Variants in TLN2 observed in about 807,000 individuals in gnomAD.
TLN2 encodes the protein talin-2.
TLN2 carries 118 observed loss-of-function variants against 294.7 expected under a neutral mutation model. The ratio of observed to expected loss-of-function variants is 0.40; its 90% CI spans 0.34 to 0.47. The LOEUF (loss-of-function observed/expected upper bound fraction) is 0.47. TLN2 is among the 20% of genes least tolerant of loss of function. The pLI, the probability that TLN2 is intolerant of heterozygous loss-of-function variation, is 0.84. For missense variants in TLN2, 3,083 were observed against 3,282.2 expected, an observed-to-expected ratio of 0.94 and a Z score of 1.48; for synonymous variants, 1,431 against 1,304.5, an observed-to-expected ratio of 1.10 and a Z score of -2.09.
chr15:62,792,868 G>A (rs2065172478), intron 46 of TLN2, 81 bp downstream of exon 46: 2 of 1,562,772 alleles, frequency 1.3e-6, no homozygotes, highest in East Asian at 2.3e-5. Context: ...ACAAAAGCAG[G>A]AAACTCAGCC....
intron 54 of TLN2, chr15:62,829,165 ATAT>A (rs1402703714): frequency 3.1e-3 from 2 of 654 alleles, no homozygotes; most frequent in Non-Finnish European, 0.038. Context: ...TATATAATAT[ATAT>A]TATATTATAT....
intron 54 of TLN2, among the ~76,000 whole-genome samples, chr15:62,827,085 G>T (rs1226951596): frequency 1.6e-5 from 2 of 121,894 alleles, no homozygotes; most frequent in Admixed American, 1.7e-4. Context: ...TAAGTTTTCA[G>T]GGAGGGAGGC....
intron 33 of TLN2, among the ~76,000 whole-genome samples, chr15:62,749,389 G>C (rs576931420): frequency 2.6e-5 from 4 of 152,332 alleles, no homozygotes; most frequent in Admixed American, 1.3e-4. Context: ...TAAATATGTA[G>C]GTTGTTGATC....
intron 57 of TLN2, 99 bp downstream of exon 57, chr15:62,836,172 C>G: frequency 6.7e-7 from 1 of 1,488,574 alleles, no homozygotes; most frequent in Non-Finnish European, 9.0e-7. Context: ...CCCACCAGGC[C>G]TTCCATCAGC....
At chr15:62,810,058 G>A (rs1318644646) in intron 52 of TLN2, 26 bp downstream of exon 52, 3 of 1,584,156 alleles carry the variant, frequency 1.9e-6, no homozygotes, top group East Asian at 2.2e-5. Flanking sequence ...AGTCAGGGCT[G>A]GGGAGTAGCT....
chr15:62,419,651 G>C (rs1392693290), intron 1 of TLN2, among the ~76,000 whole-genome samples: 1 of 131,316 alleles, frequency 7.6e-6, no homozygotes, highest in Admixed American at 7.9e-5. Context: ...TTTTTTGGGT[G>C]GGGGGAGGGG....
intron 44 of TLN2, among the ~76,000 whole-genome samples, chr15:62,782,673 C>A (rs1202339333): frequency 6.6e-6 from 1 of 152,240 alleles, no homozygotes; most frequent in African/African-American, 2.4e-5. Flanking sequence ...CACGTGGCAA[C>A]ACTCACTCTC....
At chr15:62,462,180 G>A (rs1189802556) in intron 1 of TLN2, among the ~76,000 whole-genome samples, 1 of 152,250 alleles carries the variant, frequency 6.6e-6, no homozygotes, top group Admixed American at 6.5e-5. Flanking sequence ...GTTGCAGTGA[G>A]CCGAGATTGC....
intron 1 of TLN2, among the ~76,000 whole-genome samples, chr15:62,540,934 C>T (rs1309188730): frequency 6.6e-6 from 1 of 152,162 alleles, no homozygotes; most frequent in African/African-American, 2.4e-5. Context: ...TCCAACTCAG[C>T]TCTGTTATTC....
intron 1 of TLN2, among the ~76,000 whole-genome samples, chr15:62,429,353 A>G (rs1237558176): frequency 2.0e-5 from 3 of 152,120 alleles, no homozygotes; most frequent in Non-Finnish European, 4.4e-5. Flanking sequence ...CTTTCCCTTT[A>G]GGTGCTTCGA....
At chr15:62,607,868 G>A (rs112151482) in intron 2 of TLN2, among the ~76,000 whole-genome samples, 3,299 of 152,298 alleles carry the variant, frequency 0.022, 84 homozygotes, top group South Asian at 0.068. Flanking sequence ...GTGGCATGCA[G>A]CAGCCAGCTG....
intron 44 of TLN2, among the ~76,000 whole-genome samples, chr15:62,781,503 AG>A (rs2064165576): frequency 6.6e-6 from 1 of 152,214 alleles, no homozygotes; most frequent in African/African-American, 2.4e-5. Context: ...AGGACAGAGG[AG>A]CAAAGGAAGG....
intron 2 of TLN2, among the ~76,000 whole-genome samples, chr15:62,605,674 G>A (rs938045801): frequency 3.3e-5 from 5 of 152,174 alleles, no homozygotes; most frequent in Admixed American, 1.3e-4. Flanking sequence ...GCTTCTTGTG[G>A]ATAACCGTGT....
rs561649778 is a variant in TLN2, at chr15:62,450,581, G to T, written c.-238+59896G>T. On this transcript the variant is annotated intron_variant, in intron 1 of 58. Transcript: ENST00000636159. ...TGTGTGTGTGTGTGTGTGTCTGTGT[G>T]TGTGTGTGTTTGAGACAGGGTCTGA... 1.5e-4 allele frequency among the ~76,000 whole-genome samples: 22 copies of T among 150,788 alleles called. No individual in the cohort carries two copies. In the East Asian group the frequency reaches 4.1e-3, roughly 28 times the overall value.
At chr15:62,413,986 C>G (rs1266125938) in intron 1 of TLN2, among the ~76,000 whole-genome samples, 2 of 104,084 alleles carry the variant, frequency 1.9e-5, no homozygotes, top group South Asian at 5.1e-4. Context: ...TGATTGGAGC[C>G]ATCTGGCTGC....
At chr15:62,517,149 T>G (rs2040229928) in intron 1 of TLN2, among the ~76,000 whole-genome samples, 1 of 152,216 alleles carries the variant, frequency 6.6e-6, no homozygotes, top group Non-Finnish European at 1.5e-5. Context: ...ATTCAGAGAT[T>G]ACCAAACCTT....
intron 54 of TLN2, among the ~76,000 whole-genome samples, chr15:62,822,867 G>C (rs1269591799): frequency 1.3e-5 from 2 of 152,180 alleles, no homozygotes; most frequent in Non-Finnish European, 2.9e-5. Flanking sequence ...AGTAGGGAAT[G>C]TACAAGAATG....
Position 62,840,705 on chromosome 15 carries a change from C to A in TLN2, c.*95C>A. ...GGCTGGGCACTTAGCTGGAAACCGCCCACCTCCCTCCCGGGTGAGCCTGGA... is the reference window on the plus strand; with the variant it reads ...GGCTGGGCACTTAGCTGGAAACCGCACACCTCCCTCCCGGGTGAGCCTGGA... On this transcript the variant is annotated 3_prime_UTR_variant, in exon 59 of 59. Coordinates refer to ENST00000636159, the MANE Select transcript of TLN2 (RefSeq NM_015059.3). 1 of 1,499,060 alleles carries A rather than the reference C, an allele frequency of 6.7e-7. No individual in the cohort carries two copies. Among genetic ancestry groups the A allele is most frequent in the Admixed American group, 2.3e-5 (1 of 44,360 alleles). 92.9% of individuals were successfully genotyped at this position (1,499,060 alleles called of 1,614,324 possible).
chr15:62,540,118 T>G (rs2041591084), intron 1 of TLN2, among the ~76,000 whole-genome samples: 1 of 152,112 alleles, frequency 6.6e-6, no homozygotes. Context: ...GGTGGGTGGA[T>G]CACCTGAGGT....
Sources: gnomAD v4.1 joint callset for allele counts (sites outside exome capture counted in the v4.1 genomes callset) on GRCh38, gnomAD v4.1.1 for gene constraint, MANE v1.5 for transcripts, NCBI Gene and HGNC (gene_info 2026-07-23, HGNC 2026-07-21) for gene names.